STAG1: variants seen among roughly 807,000 people sequenced by gnomAD.
The protein encoded by STAG1 is cohesin subunit SA-1.
In STAG1, 26 loss-of-function variants were observed where a neutral mutation model predicts 170.9. That is an observed-to-expected ratio of 0.15 (90% CI 0.11 to 0.21). STAG1 has a LOEUF of 0.21. Among genes scored for constraint, STAG1 ranks in the 10% least tolerant of loss-of-function variants. The pLI, the probability that STAG1 is intolerant of heterozygous loss-of-function variation, is 1.00. For synonymous variants in STAG1, 514 were observed against 497.7 expected, an observed-to-expected ratio of 1.03 and a Z score of -0.44; for missense variants, 964 against 1,509.5, an observed-to-expected ratio of 0.64 and a Z score of 5.99.
Position 136,464,924 on chromosome 3 carries a change from G to A in STAG1, c.1270C>T (p.His424Tyr). ...ENVYHLVYSA[H>Y]RPVAVAAGEF... ...CCAGCTGCCACAGCAACAGGGCGATGTGCCGAGTACACCAAGTGGTAAACA... is the reference window on the plus strand; with the variant it reads ...CCAGCTGCCACAGCAACAGGGCGATATGCCGAGTACACCAAGTGGTAAACA... Residue 424 changes from histidine to tyrosine, a missense_variant, in exon 13 of 34, where the codon CAT (histidine) becomes TAT (tyrosine). His to Tyr is a moderately conservative substitution (Grantham distance 83). Around this residue, in one of 11 missense-constraint regions of STAG1, gnomAD observed 162 missense variants for 211.2 expected, o/e 0.77. Coordinates refer to ENST00000383202, the MANE Select transcript of STAG1 (RefSeq NM_005862.3). 3.7e-6 allele frequency: 6 copies of A among 1,612,984 alleles called. No homozygotes were observed. Among genetic ancestry groups the A allele is most frequent in the Non-Finnish European group, 5.1e-6 (6 of 1,179,550 alleles).
chr3:136,604,892 C>T lies in STAG1; in HGVS notation c.133-419G>A, dbSNP rs148662589. ...CTCGTACTCCTGACCTCAAATGATT[C>T]GCCCACCTTGGCCTTCAAAAATGCT... On this transcript the variant is annotated intron_variant, in intron 3 of 33. Coordinates refer to ENST00000383202, the MANE Select transcript of STAG1 (RefSeq NM_005862.3). Among the ~76,000 whole-genome samples, 6 of 152,242 alleles carry T rather than the reference C, an allele frequency of 3.9e-5. No individual in the cohort carries two copies. The East Asian group carries it at 9.6e-4, about 24-fold the overall frequency.
At chr3:136,399,189 C>A (rs1251030751) in intron 21 of STAG1, among the ~76,000 whole-genome samples, 1 of 152,034 alleles carries the variant, frequency 6.6e-6, no homozygotes, top group African/African-American at 2.4e-5. Context: ...AATATTTACC[C>A]ACATTTTATA....
chr3:136,574,854 A>G (rs187649577), intron 4 of STAG1, among the ~76,000 whole-genome samples: 1 of 152,334 alleles, frequency 6.6e-6, no homozygotes, highest in East Asian at 1.9e-4. Context: ...AACACCAACA[A>G]TTACAGAATA....
intron 1 of STAG1, among the ~76,000 whole-genome samples, chr3:136,664,720 C>A (rs1225917743): frequency 6.6e-6 from 1 of 151,984 alleles, no homozygotes; most frequent in Non-Finnish European, 1.5e-5. Context: ...AAACGCATGC[C>A]TTTGAGAAGG....
intron 4 of STAG1, among the ~76,000 whole-genome samples, chr3:136,576,874 T>C (rs1327342458): frequency 2.6e-5 from 4 of 152,228 alleles, no homozygotes. Context: ...TATTCTATAC[T>C]GCTGCTTAAG....
chr3:136,589,823 C>T (rs924660342), intron 4 of STAG1, among the ~76,000 whole-genome samples: 4 of 150,422 alleles, frequency 2.7e-5, no homozygotes, highest in African/African-American at 7.3e-5. Context: ...CCCAGCTACT[C>T]GGGAGGCTGA....
At chr3:136,398,514 C>CAT (rs2087232260) in intron 22 of STAG1, among the ~76,000 whole-genome samples, 1 of 151,844 alleles carries the variant, frequency 6.6e-6, no homozygotes, top group African/African-American at 2.4e-5. Flanking sequence ...TGTGTGTGTA[C>CAT]ATATATATAC....
At chr3:136,472,556 TATA>T in intron 11 of STAG1, 64 bp from the exon 12 acceptor site, 1 of 1,167,272 alleles carries the variant, frequency 8.6e-7, no homozygotes, top group Admixed American at 1.8e-5. Flanking sequence ...ACAGATCTAA[TATA>T]ATGTATTCTG....
intron 3 of STAG1, among the ~76,000 whole-genome samples, chr3:136,621,877 C>A (rs1199725578): frequency 6.6e-6 from 1 of 151,384 alleles, no homozygotes; most frequent in Admixed American, 6.6e-5. Context: ...TGACTCTAAC[C>A]ACCGAACTAG....
At chr3:136,750,159 T>C (rs1223342403) in intron 1 of STAG1, among the ~76,000 whole-genome samples, 1 of 152,170 alleles carries the variant, frequency 6.6e-6, no homozygotes, top group Non-Finnish European at 1.5e-5. Context: ...TGTTACACAA[T>C]CACCGTAAGA....
At chr3:136,657,086 TGAG>T (rs748514534) in intron 1 of STAG1, among the ~76,000 whole-genome samples, 2 of 151,154 alleles carry the variant, frequency 1.3e-5, no homozygotes, top group African/African-American at 4.9e-5. Flanking sequence ...TTAAGAACTA[TGAG>T]AAGAATTGCT....
chr3:136,641,785 A>G (rs1257402598), intron 1 of STAG1, among the ~76,000 whole-genome samples: 1 of 152,206 alleles, frequency 6.6e-6, no homozygotes, highest in African/African-American at 2.4e-5. Context: ...TAATAGTATC[A>G]TATCAGTGAT....
intron 9 of STAG1, among the ~76,000 whole-genome samples, chr3:136,486,061 T>C (rs2090005354): frequency 1.3e-5 from 2 of 152,194 alleles, no homozygotes; most frequent in African/African-American, 4.8e-5. Context: ...TAGCACATTA[T>C]AAAATTGATT....
chr3:136,518,339 T>C, intron 7 of STAG1: 1 of 694,210 alleles, frequency 1.4e-6, no homozygotes, highest in Non-Finnish European at 2.6e-6. Context: ...AACTGCCTTG[T>C]AACTGTCCAT....
Position 136,533,582 on chromosome 3 carries a change from C to G in STAG1, c.471+8537G>C, listed in dbSNP as rs761734567. 6.6e-5 allele frequency among the ~76,000 whole-genome samples: 10 copies of G among 152,154 alleles called. No homozygotes were observed. The South Asian group carries it at 1.9e-3, about 29-fold the overall frequency. On this transcript the variant is annotated intron_variant, in intron 6 of 33. Coordinates refer to ENST00000383202, the MANE Select transcript of STAG1 (RefSeq NM_005862.3). ...GTGAATCACATGGTGAGAGAAGGAG[C>G]AAGGGGGCAGGGATGCCATACTTTA...
chr3:136,589,901 G>A (rs950400805), intron 4 of STAG1, among the ~76,000 whole-genome samples: 6 of 148,796 alleles, frequency 4.0e-5, no homozygotes, highest in Non-Finnish European at 9.0e-5. Flanking sequence ...ACTGCACTCC[G>A]GCCTGGGTAA....
intron 21 of STAG1, among the ~76,000 whole-genome samples, chr3:136,412,971 G>A (rs927441119): frequency 2.7e-5 from 4 of 150,384 alleles, no homozygotes; most frequent in Non-Finnish European, 5.9e-5. Context: ...CAAGTGATTC[G>A]AGTGCCTCAG....
chr3:136,497,660 G>A (rs1408886462), intron 9 of STAG1, among the ~76,000 whole-genome samples: 4 of 151,524 alleles, frequency 2.6e-5, no homozygotes, highest in African/African-American at 7.3e-5. Flanking sequence ...CTAACACGGT[G>A]AAACCCTGTC....
chr3:136,457,037 C>T (rs1389829613), intron 13 of STAG1, among the ~76,000 whole-genome samples: 1 of 152,128 alleles, frequency 6.6e-6, no homozygotes, highest in Non-Finnish European at 1.5e-5. Flanking sequence ...GAAATGAATG[C>T]TAATGTGTTG....
Sources: allele counts gnomAD v4.1 joint callset (sites outside exome capture counted in the v4.1 genomes callset), GRCh38; gene constraint gnomAD v4.1.1; regional missense constraint gnomAD v4.1.1; transcripts MANE v1.5; gene names NCBI Gene and HGNC (gene_info 2026-07-23, HGNC 2026-07-21).